Variants in PKHD1 observed in about 807,000 individuals in gnomAD.
The protein encoded by PKHD1 is PKHD1 ciliary IPT domain containing fibrocystin/polyductin.
A neutral mutation model predicts 412.0 loss-of-function variants in PKHD1; 291 were observed. The ratio of observed to expected loss-of-function variants is 0.71; its 90% CI spans 0.64 to 0.78. PKHD1 has a LOEUF of 0.78. PKHD1 is among the 30% of genes least tolerant of loss of function. PKHD1 has a pLI of 0.00. For missense variants in PKHD1, 4,825 were observed against 4,950.7 expected (o/e 0.97, Z 0.76); for synonymous variants, 1,777 against 1,821.5 (o/e 0.98, Z 0.62).
intron 51 of PKHD1, among the ~76,000 whole-genome samples, chr6:51,834,595 T>G (rs1399343736): frequency 6.6e-6 from 1 of 152,184 alleles, no homozygotes; most frequent in Admixed American, 6.5e-5. Context: ...GCAATAATTT[T>G]ACTGTTTTAC....
At chr6:51,884,790 C>T (rs1162863226) in intron 45 of PKHD1, among the ~76,000 whole-genome samples, 1 of 151,958 alleles carries the variant, frequency 6.6e-6, no homozygotes, top group Non-Finnish European at 1.5e-5. Flanking sequence ...GAGTTTAAGC[C>T]CCTGCAGGTA....
chr6:51,902,192 A>G (rs1346753902), intron 43 of PKHD1, among the ~76,000 whole-genome samples: 1 of 152,218 alleles, frequency 6.6e-6, no homozygotes, highest in Non-Finnish European at 1.5e-5. Flanking sequence ...ACACAAAAAC[A>G]TGGTTTCTTA....
intron 43 of PKHD1, among the ~76,000 whole-genome samples, chr6:51,897,798 A>G (rs1258400623): frequency 1.4e-5 from 2 of 144,904 alleles, no homozygotes; most frequent in African/African-American, 5.2e-5. Flanking sequence ...ACATAGGCTC[A>G]AAATAAAAGG....
intron 60 of PKHD1, among the ~76,000 whole-genome samples, chr6:51,669,627 A>C (rs1401968643): frequency 1.6e-5 from 2 of 123,432 alleles, no homozygotes; most frequent in Non-Finnish European, 1.7e-5. Context: ...TAGTTCTTTT[A>C]ATTGTGATGT....
chr6:51,719,730 T>A (rs1781686373), intron 60 of PKHD1, among the ~76,000 whole-genome samples: 1 of 152,214 alleles, frequency 6.6e-6, no homozygotes, highest in African/African-American at 2.4e-5. Context: ...TTATATATTG[T>A]ACAATAAATG....
At chr6:51,998,756 A>G (rs957477572) in intron 35 of PKHD1, among the ~76,000 whole-genome samples, 12 of 151,546 alleles carry the variant, frequency 7.9e-5, no homozygotes, top group Non-Finnish European at 1.6e-4. Flanking sequence ...TTTCTCTTTT[A>G]TCCTCTAGAA....
In PKHD1 at chr6:51,638,831, C is replaced by T. The variant is rs746989776; in HGVS notation, c.11506+18G>A. 1.8e-5 allele frequency: 23 copies of T among 1,294,940 alleles called. No homozygotes were observed. Among genetic ancestry groups the T allele is most frequent in the South Asian group, 3.7e-5 (3 of 81,610 alleles). The allele number at this position is 1,294,940 out of a possible 1,614,324, so 80.2% of individuals were successfully genotyped here. A position where few individuals can be genotyped will look rare whatever the true frequency, so the allele number is the denominator to read the frequency against. ...AAAAAAAAAAAACACAGAATAAAAGCACACTGTATAAAATTACCTGGAGGA... is the reference window on the plus strand; with the variant it reads ...AAAAAAAAAAAACACAGAATAAAAGTACACTGTATAAAATTACCTGGAGGA... On this transcript the variant is annotated intron_variant, in intron 64 of 66. Transcript: ENST00000371117.
rs1433540169 is a variant in PKHD1, at chr6:52,025,267, C to T, written c.4543G>A (p.Glu1515Lys). Reference sequence around the variant, plus strand: ...TGATCATCCACAAATACCATCGGCTCATCAGCTGTGGTGGCTAACCTCTGA... The same window carrying T: ...TGATCATCCACAAATACCATCGGCTTATCAGCTGTGGTGGCTAACCTCTGA... ...RGQRLATTADEPMVFVDDQLP... is the reference protein window; with the variant it reads ...RGQRLATTADKPMVFVDDQLP... The change falls in exon 32 of 67, where the codon GAG becomes AAG. Residue 1515 changes from glutamate to lysine, a missense_variant. Transcript: ENST00000371117. 3.1e-6 allele frequency: 5 copies of T among 1,614,078 alleles called. No individual in the cohort carries two copies. The highest frequency in any genetic ancestry group is 4.2e-6 in the Non-Finnish European group (5 of 1,180,004).
intron 2 of PKHD1, 26 bp downstream of exon 2, chr6:52,084,856 A>G: frequency 6.9e-7 from 1 of 1,445,428 alleles, no homozygotes; most frequent in Non-Finnish European, 9.7e-7. Context: ...CTTACCTATA[A>G]TTCCTTCAAA....
intron 52 of PKHD1, among the ~76,000 whole-genome samples, chr6:51,827,874 C>G (rs6923773): frequency 6.6e-6 from 1 of 151,434 alleles, no homozygotes; most frequent in South Asian, 2.1e-4. Flanking sequence ...ACAACTACAT[C>G]TGCTACCAGA....
intron 20 of PKHD1, 98 bp from the exon 21 acceptor site, chr6:52,053,349 T>C: frequency 7.9e-7 from 1 of 1,270,512 alleles, no homozygotes; most frequent in Non-Finnish European, 1.1e-6. Context: ...CTGTGAGCTA[T>C]GCAGCCAGGA....
chr6:52,033,038 T>C lies in PKHD1; in HGVS notation c.3356A>G (p.Asn1119Ser). Reference sequence around the variant, plus strand: ...AGTATCACATATTTTACCTGCTATATTGCTTATGTTTCTGCTCAGAGTCAC... The same window carrying C: ...AGTATCACATATTTTACCTGCTATACTGCTTATGTTTCTGCTCAGAGTCAC... ...VIVTLSRNIS[N>S]IAGGETLVIG... The change falls in exon 29 of 67, where the codon AAT (asparagine) becomes AGT (serine). Residue 1119 changes from asparagine to serine, a missense_variant. Coordinates refer to ENST00000371117, the MANE Select transcript of PKHD1 (RefSeq NM_138694.4). 6.2e-7 allele frequency: 1 copy of C among 1,612,390 alleles called. No homozygotes were observed. The highest frequency in any genetic ancestry group is 1.1e-5 in the South Asian group (1 of 91,044).
At chr6:51,703,130 T>G (rs974566745) in intron 60 of PKHD1, among the ~76,000 whole-genome samples, 4 of 151,992 alleles carry the variant, frequency 2.6e-5, no homozygotes, top group African/African-American at 9.7e-5. Context: ...TAAACAAAGA[T>G]GAAGGACTTA....
At chr6:52,045,778 GAGTT>G (rs1297412649) in intron 24 of PKHD1, among the ~76,000 whole-genome samples, 1 of 152,188 alleles carries the variant, frequency 6.6e-6, no homozygotes, top group African/African-American at 2.4e-5. Flanking sequence ...TACCTACACT[GAGTT>G]AGGAAGGGAG....
intron 60 of PKHD1, among the ~76,000 whole-genome samples, chr6:51,697,537 G>C (rs1427124671): frequency 6.6e-6 from 1 of 152,144 alleles, no homozygotes; most frequent in East Asian, 1.9e-4. Context: ...GTACATCATA[G>C]GATATTTAGC....
chr6:51,942,847 C>G (rs1788794393), intron 36 of PKHD1, among the ~76,000 whole-genome samples: 1 of 151,614 alleles, frequency 6.6e-6, no homozygotes. Flanking sequence ...GTTCCATCTG[C>G]TATTCTACTA....
intron 57 of PKHD1, among the ~76,000 whole-genome samples, chr6:51,752,159 A>T (rs1449546099): frequency 2.0e-5 from 3 of 152,224 alleles, no homozygotes; most frequent in African/African-American, 7.2e-5. Flanking sequence ...GGGTTCTTAA[A>T]AGAATGGTTC....
chr6:51,998,777 T>A (rs1258848025), intron 35 of PKHD1, among the ~76,000 whole-genome samples: 1 of 152,208 alleles, frequency 6.6e-6, no homozygotes, highest in East Asian at 1.9e-4. Flanking sequence ...AAAACACATT[T>A]CCTTTCTTCT....
intron 35 of PKHD1, among the ~76,000 whole-genome samples, chr6:51,978,843 A>C (rs959233403): frequency 6.6e-6 from 1 of 152,180 alleles, no homozygotes; most frequent in Non-Finnish European, 1.5e-5. Context: ...CTGTATCTCA[A>C]ACTCTGAACC....
Sources: allele counts gnomAD v4.1 joint callset (sites outside exome capture counted in the v4.1 genomes callset), GRCh38; gene constraint gnomAD v4.1.1; transcripts MANE v1.5; gene names NCBI Gene and HGNC (gene_info 2026-07-23, HGNC 2026-07-21).